The following BPIFB3 variants were observed in gnomAD, a reference collection of about 807,000 sequenced individuals.
BPIFB3 encodes BPI fold containing family B member 3, also known as BPI fold-containing family B member 3.
BPIFB3 carries 49 observed loss-of-function variants against 53.1 expected under a neutral mutation model. The observed-to-expected ratio is 0.92, with a 90% CI of 0.73 to 1.17. The LOEUF (loss-of-function observed/expected upper bound fraction) is 1.17. Ranked by LOEUF, BPIFB3 falls within the 50% of genes most tolerant of loss-of-function variation. The pLI, the probability that BPIFB3 is intolerant of heterozygous loss-of-function variation, is 0.00. For missense variants in BPIFB3, 628 were observed against 592.5 expected, an observed-to-expected ratio of 1.06 and a Z score of -0.62; for synonymous variants, 271 against 269.6, an observed-to-expected ratio of 1.01 and a Z score of -0.05.
chr20:33,067,463 G>C (rs1980714528), intron 9 of BPIFB3, among the ~76,000 whole-genome samples: 1 of 152,230 alleles, frequency 6.6e-6, no homozygotes, highest in Non-Finnish European at 1.5e-5. Flanking sequence ...TAGGGGCCTG[G>C]GCTCTCACCA....
In BPIFB3 at chr20:33,069,868, T is replaced by C; in HGVS notation, c.1150-20T>C. The C allele has an allele frequency of 6.2e-7, 1 of 1,614,148 alleles. No homozygotes were observed. The highest frequency in any genetic ancestry group is 2.2e-5 in the East Asian group (1 of 44,882). On this transcript the variant is annotated intron_variant, in intron 10 of 14. Transcript: ENST00000375494. ...CCTTCTGCCGATTGGGGGTGACTTC[T>C]GCCTGCTTTGCCCATGCAGGTCATG...
intron 9 of BPIFB3, among the ~76,000 whole-genome samples, chr20:33,067,131 A>G (rs1393569349): frequency 6.6e-6 from 1 of 152,256 alleles, no homozygotes; most frequent in African/African-American, 2.4e-5. Context: ...TTTCTGTAGC[A>G]CACAAGGACA....
At chr20:33,056,387 ATGG>A (rs756819962) in intron 1 of BPIFB3, among the ~76,000 whole-genome samples, 152 bp from the exon 3 acceptor site, 5 of 152,194 alleles carry the variant, frequency 3.3e-5, no homozygotes, top group Non-Finnish European at 5.9e-5. Flanking sequence ...AGAGGCTGTT[ATGG>A]CTTAGTGGGT....
intron 4 of BPIFB3, 129 bp downstream of exon 5, chr20:33,060,160 C>A: frequency 7.8e-7 from 1 of 1,287,540 alleles, no homozygotes; most frequent in Non-Finnish European, 1.1e-6. Context: ...CCTGCTTGTC[C>A]CGCCGGTTTC....
chr20:33,060,840 C>T (rs1001584581), intron 4 of BPIFB3, among the ~76,000 whole-genome samples: 1 of 152,220 alleles, frequency 6.6e-6, no homozygotes, highest in African/African-American at 2.4e-5. Flanking sequence ...GCTGGGATTA[C>T]AGGTGTGAGC....
rs143492136 is a variant in BPIFB3 at position 33,055,625 on chromosome 20, T to G, written c.124+78T>G. On this transcript the variant is annotated intron_variant, in intron 1 of 14. Coordinates refer to ENST00000375494, the Ensembl canonical transcript of BPIFB3. ...AATCTATATGCTTAGAGCATCTGCTTTAAGAGCAGATAAGAGCAGGTTGTG... is the reference window on the plus strand; with the variant it reads ...AATCTATATGCTTAGAGCATCTGCTGTAAGAGCAGATAAGAGCAGGTTGTG... 2.8e-4 allele frequency: 448 copies of G among 1,581,866 alleles called. 2 individuals are homozygous for G. The African/African-American group carries it at 4.3e-3, about 15-fold the overall frequency.
chr20:33,071,985 G>A lies in BPIFB3; in HGVS notation c.1261-119G>A, dbSNP rs191306575. 95 of 1,009,868 alleles carry A rather than the reference G, an allele frequency of 9.4e-5. 2 individuals carry two copies. The East Asian group carries it at 2.2e-3, about 23-fold the overall frequency. The allele number at this position is 1,009,868 out of a possible 1,614,324, so 62.6% of individuals were successfully genotyped here. ...TGCCTGCCAGGAGCTGTGTCCTCAGGCTTGGGGGAGGCTGAGGCAGCTGGG... is the reference window on the plus strand; with the variant it reads ...TGCCTGCCAGGAGCTGTGTCCTCAGACTTGGGGGAGGCTGAGGCAGCTGGG... On this transcript the variant is annotated intron_variant, in intron 12 of 14. Coordinates refer to ENST00000375494, the Ensembl canonical transcript of BPIFB3.
exon 10 of BPIFB3, chr20:33,068,898 C>A (rs1721792920): frequency 6.2e-7 from 1 of 1,614,110 alleles, no homozygotes; most frequent in Non-Finnish European, 8.5e-7. Flanking sequence ...AGGCCTTGGT[C>A]TCCCTCCCAG....
At chr20:33,067,328 A>G (rs1980710198) in intron 9 of BPIFB3, among the ~76,000 whole-genome samples, 1 of 152,180 alleles carries the variant, frequency 6.6e-6, no homozygotes, top group Non-Finnish European at 1.5e-5. Context: ...CAGCTTTCCC[A>G]TCCTTCAACT....
In BPIFB3 at chr20:33,061,029, C is replaced by A. The variant is rs376217774; in HGVS notation, c.528-739C>A. Among the ~76,000 whole-genome samples, 14 of 152,342 alleles carry A rather than the reference C, an allele frequency of 9.2e-5. No individual in the cohort carries two copies. The East Asian group carries it at 2.1e-3, about 23-fold the overall frequency. ...CAGCTGCCTCCCACTTGTGTCTCCC[C>A]GTTCTGTGTCCACCTTCCAGGCCCA... On this transcript the variant is annotated intron_variant, in intron 4 of 14. Transcript: ENST00000375494.
intron 4 of BPIFB3, among the ~76,000 whole-genome samples, chr20:33,060,606 T>C (rs1980413413): frequency 6.6e-6 from 1 of 152,124 alleles, no homozygotes; most frequent in Admixed American, 6.5e-5. Flanking sequence ...GTCTCACTCT[T>C]TCACCCGGGC....
intron 9 of BPIFB3, among the ~76,000 whole-genome samples, chr20:33,067,518 ACT>A (rs1357872859): frequency 6.6e-6 from 1 of 152,180 alleles, no homozygotes; most frequent in East Asian, 1.9e-4. Context: ...CAGAGGACAA[ACT>A]CTGTGAGTTC....
At chr20:33,056,642 A>T (rs1305518857) in exon 2 of BPIFB3, 2 of 1,612,832 alleles carry the variant, frequency 1.2e-6, no homozygotes, top group South Asian at 1.1e-5. Context: ...GGCTGCTTGG[A>T]GGAGGCGGCT....
Position 33,064,815 on chromosome 20 carries a change from C to T in BPIFB3, c.894C>T (p.Gly298=), listed in dbSNP as rs199598368. The T allele has an allele frequency of 1.5e-4, 243 of 1,613,526 alleles. 1 individual carries two copies. The East Asian group carries it at 3.9e-3, about 26-fold the overall frequency. The change falls in exon 8 of 15, where the codon GGC becomes GGT. Residue 298 remains glycine (G), a synonymous_variant. Transcript: ENST00000375494. Reference sequence around the variant, plus strand: ...CGTTTGGACTCCTGCAGACCAACGGCGCCCTCGACATGGACATCACCCCTG... The same window carrying T: ...CGTTTGGACTCCTGCAGACCAACGGTGCCCTCGACATGGACATCACCCCTG...
exon 3 of BPIFB3, chr20:33,059,477 C>T: frequency 3.7e-6 from 6 of 1,609,220 alleles, no homozygotes; most frequent in Non-Finnish European, 5.1e-6. Context: ...GCATGCATTG[C>T]TCTGGGTGAG....
Position 33,055,558 on chromosome 20 carries a change from G to C in BPIFB3, c.124+11G>C. 1 of 1,613,428 alleles carries C rather than the reference G, an allele frequency of 6.2e-7. No homozygotes were observed. The highest frequency in any genetic ancestry group is 1.1e-5 in the South Asian group (1 of 91,080). ...ATGAACTCGGCAAAGGTGAGCCCCA[G>C]GTGGGCAGTCTGTGAGGGGGCTGCT... is the stretch of plus-strand genomic sequence containing the variant. On this transcript the variant is annotated intron_variant, in intron 1 of 14. Transcript: ENST00000375494.
At chr20:33,073,490 T>A in intron 14 of BPIFB3, 86 bp from the exon 16 acceptor site, 1 of 1,479,164 alleles carries the variant, frequency 6.8e-7, no homozygotes, top group Non-Finnish European at 9.4e-7. Context: ...ACAGGGCCAA[T>A]CCCAGGGCAG....
At chr20:33,062,545 G>T (rs543349991) in intron 5 of BPIFB3, among the ~76,000 whole-genome samples, 1 of 152,342 alleles carries the variant, frequency 6.6e-6, no homozygotes, top group African/African-American at 2.4e-5. Flanking sequence ...GCAAGACCAT[G>T]TCAGGCAGGT....
intron 6 of BPIFB3, 123 bp downstream of exon 7, chr20:33,063,798 A>C (rs1980551103): frequency 2.0e-6 from 2 of 981,514 alleles, no homozygotes; most frequent in Non-Finnish European, 3.0e-6. Context: ...GTTCCTCCTC[A>C]CACTGACAGG....
Sources: gnomAD v4.1 joint callset for allele counts (sites outside exome capture counted in the v4.1 genomes callset) on GRCh38, gnomAD v4.1.1 for gene constraint, MANE v1.5 for transcripts, NCBI Gene and HGNC (gene_info 2026-07-23, HGNC 2026-07-21) for gene names.